The following CLASP2 variants were observed in gnomAD, a reference collection of about 807,000 sequenced individuals.
CLASP2 encodes the protein CLIP-associating protein 2.
Under a neutral mutation model 194.4 loss-of-function variants are expected in CLASP2, and 47 were observed. The ratio of observed to expected loss-of-function variants is 0.24; its 90% CI spans 0.19 to 0.31. The LOEUF (loss-of-function observed/expected upper bound fraction) is 0.31, where lower values mean the gene tolerates loss of function less well. Among genes scored for constraint, CLASP2 ranks in the 10% least tolerant of loss-of-function variants. The pLI, the probability that CLASP2 is intolerant of heterozygous loss-of-function variation, is 1.00. For missense variants in CLASP2, 1,445 were observed against 1,823.6 expected, an observed-to-expected ratio of 0.79 and a Z score of 3.78; for synonymous variants, 619 against 633.5, an observed-to-expected ratio of 0.98 and a Z score of 0.34.
chr3:33,599,730 A>G (rs1300624343), intron 18 of CLASP2, among the ~76,000 whole-genome samples: 1 of 152,176 alleles, frequency 6.6e-6, no homozygotes, highest in Non-Finnish European at 1.5e-5. Context: ...TATCAGTCTT[A>G]CGTGTGTAAG....
At chr3:33,600,574 A>C (rs2071802344) in intron 18 of CLASP2, among the ~76,000 whole-genome samples, 1 of 151,518 alleles carries the variant, frequency 6.6e-6, no homozygotes, top group South Asian at 2.1e-4. Flanking sequence ...TTTGAAACAA[A>C]AAGTTTTCTG....
intron 21 of CLASP2, chr3:33,588,670 C>A (rs1390818826): frequency 8.6e-6 from 6 of 700,528 alleles, no homozygotes; most frequent in Non-Finnish European, 1.6e-5. Context: ...GGTGATCAAA[C>A]AACAGATGCA....
chr3:33,592,740 T>C, intron 20 of CLASP2: 1 of 525,290 alleles, frequency 1.9e-6, no homozygotes, highest in South Asian at 1.9e-5. Context: ...TCTTAGTTTA[T>C]ATATTAGTCC....
chr3:33,691,308 G>A (rs1376648883), intron 2 of CLASP2, among the ~76,000 whole-genome samples: 3 of 151,980 alleles, frequency 2.0e-5, no homozygotes, highest in Non-Finnish European at 4.4e-5. Flanking sequence ...TATTTCCCTG[G>A]TTTATTTATA....
intron 34 of CLASP2, among the ~76,000 whole-genome samples, chr3:33,528,823 AAAGAAAGAGAGG>A (rs2055354243): frequency 6.6e-6 from 1 of 152,068 alleles, no homozygotes; most frequent in African/African-American, 2.4e-5. Flanking sequence ...AGAAAGAGAG[AAAGAAAGAGAGG>A]TCGATAGACA....
In CLASP2 at chr3:33,538,789, T is replaced by C. The variant is rs1456463715; in HGVS notation, c.3558A>G (p.Ser1186=). The C allele has an allele frequency of 3.2e-6, 5 of 1,568,492 alleles. No individual in the cohort carries two copies. In the Admixed American group the frequency reaches 6.0e-5, roughly 19 times the overall value. Residue 1186 remains serine, a splice_region_variant and synonymous_variant, in exon 33 of 39, where the codon TCA becomes TCG. Transcript: ENST00000682230. ...KRDSKKDDGD[S]MCGGPGMSDP... is the part of the protein sequence containing the mutation. Reference sequence around the variant, plus strand: ...AAAGTAAGGATATTAAAATACTTACTGAATCGCCATCATCTTTTTTAGAAT... The same window carrying C: ...AAAGTAAGGATATTAAAATACTTACCGAATCGCCATCATCTTTTTTAGAAT...
intron 7 of CLASP2, chr3:33,645,139 T>C: frequency 1.4e-6 from 1 of 703,616 alleles, no homozygotes; most frequent in Non-Finnish European, 2.6e-6. Flanking sequence ...ACATATTAAG[T>C]CAAAACATAA....
At chr3:33,566,619 T>G in intron 27 of CLASP2, 113 bp downstream of exon 27, 1 of 342,090 alleles carries the variant, frequency 2.9e-6, no homozygotes, top group South Asian at 2.3e-5. Flanking sequence ...ATTTCGTGGA[T>G]TGCAAAGGTT....
intron 38 of CLASP2, among the ~76,000 whole-genome samples, chr3:33,500,674 T>C (rs1353077360): frequency 6.6e-6 from 1 of 152,226 alleles, no homozygotes; most frequent in Non-Finnish European, 1.5e-5. Flanking sequence ...GAATTATTGT[T>C]AAATCTATCT....
intron 8 of CLASP2, among the ~76,000 whole-genome samples, chr3:33,639,349 T>C (rs1213126177): frequency 3.3e-5 from 5 of 152,302 alleles, no homozygotes; most frequent in African/African-American, 1.2e-4. Flanking sequence ...TGAGCCACCA[T>C]GTCCCAATAT....
chr3:33,610,816 G>A (rs1559372204), intron 13 of CLASP2, among the ~76,000 whole-genome samples: 1 of 152,194 alleles, frequency 6.6e-6, no homozygotes. Context: ...AGACAGAGAT[G>A]ACTGAACAAC....
At chr3:33,637,692 CAGAT>C (rs2080429536) in intron 8 of CLASP2, among the ~76,000 whole-genome samples, 1 of 152,114 alleles carries the variant, frequency 6.6e-6, no homozygotes, top group African/African-American at 2.4e-5. Context: ...GTTGGCCAGA[CAGAT>C]AGGTGGAGGA....
rs2049493827 is a variant in CLASP2, at chr3:33,510,759, C to T, written c.4116G>A (p.Val1372=). The T allele has an allele frequency of 6.2e-7, 1 of 1,604,924 alleles. No homozygotes were observed. The highest frequency in any genetic ancestry group is 8.5e-7 in the Non-Finnish European group (1 of 1,175,538). The change falls in exon 37 of 39, where the codon GTG becomes GTA. Residue 1372 remains valine (V), a synonymous_variant. Coordinates refer to ENST00000682230, the MANE Select transcript of CLASP2 (RefSeq NM_001365631.1). The part of the protein sequence containing the change: ...EAHKDPHKEV[V]RSAEEAASVL... ...CTGATGCCGCTTCCTCAGCAGATCT[C>T]ACCACCTAAAAAAAATAGGAAATTA... is the stretch of plus-strand genomic sequence containing the variant.
At position 33,717,973 on chromosome 3, in the gene CLASP2, G is replaced by A. The variant is rs1360824955; in HGVS notation, c.30C>T (p.Cys10=). The A allele has an allele frequency of 6.5e-7, 1 of 1,539,956 alleles. No homozygotes were observed. Among genetic ancestry groups the A allele is most frequent in the East Asian group, 2.4e-5 (1 of 40,836 alleles). Residue 10 remains cysteine, a synonymous_variant, in exon 1 of 39, where the codon TGC becomes TGT. Coordinates refer to ENST00000682230, the MANE Select transcript of CLASP2 (RefSeq NM_001365631.1). MEPRSMEYF[C]AQVQQKDVGG... is the part of the protein sequence containing the mutation. ...CGACGTCCTTCTGCTGCACCTGGGC[G>A]CAGAAGTACTCCATGCTGCGGGGCT...
chr3:33,645,229 GTA>G (rs2082079308), intron 7 of CLASP2: 2 of 764,716 alleles, frequency 2.6e-6, no homozygotes, highest in East Asian at 4.8e-5. Context: ...CTCCCATAGT[GTA>G]TCTTCTAGCA....
intron 13 of CLASP2, among the ~76,000 whole-genome samples, chr3:33,611,109 T>A (rs769020431): frequency 6.6e-5 from 10 of 152,118 alleles, no homozygotes; most frequent in Non-Finnish European, 1.2e-4. Flanking sequence ...AGAGTTCTTA[T>A]GAATAAATGA....
At chr3:33,551,536 C>A in intron 29 of CLASP2, 141 bp from the exon 30 acceptor site, 1 of 776,760 alleles carries the variant, frequency 1.3e-6, no homozygotes, top group Non-Finnish European at 2.0e-6. Flanking sequence ...CAAGGTTGGT[C>A]TTGCGCTCCT....
intron 37 of CLASP2, among the ~76,000 whole-genome samples, chr3:33,506,559 C>T (rs1314509879): frequency 6.6e-6 from 1 of 151,892 alleles, no homozygotes; most frequent in African/African-American, 2.4e-5. Context: ...TGATTCTATT[C>T]ATTTTTTGCC....
Position 33,627,092 on chromosome 3 carries a change from G to T in CLASP2, c.943-12C>A. 4 of 1,390,336 alleles carry T rather than the reference G, an allele frequency of 2.9e-6. No individual in the cohort carries two copies. Among genetic ancestry groups the T allele is most frequent in the Non-Finnish European group, 4.0e-6 (4 of 999,448 alleles). The allele number at this position is 1,390,336 out of a possible 1,614,324, so 86.1% of individuals were successfully genotyped here. A position where few individuals can be genotyped will look rare whatever the true frequency, so the allele number is the denominator to read the frequency against. Reference sequence around the variant, plus strand: ...CGACTAGAATAAATCTTAAAAAAAAGATTCAGAATTATAACAATGTTTCTT... The same window carrying T: ...CGACTAGAATAAATCTTAAAAAAAATATTCAGAATTATAACAATGTTTCTT... On this transcript the variant is annotated splice_polypyrimidine_tract_variant and intron_variant, in intron 9 of 38. Coordinates refer to ENST00000682230, the MANE Select transcript of CLASP2 (RefSeq NM_001365631.1).
Sources: gnomAD v4.1 joint callset for allele counts (sites outside exome capture counted in the v4.1 genomes callset) on GRCh38, gnomAD v4.1.1 for gene constraint, MANE v1.5 for transcripts, NCBI Gene and HGNC (gene_info 2026-07-23, HGNC 2026-07-21) for gene names.